The following ZNF438 variants were observed in gnomAD, a reference collection of about 807,000 sequenced individuals.
ZNF438 encodes zinc finger protein 438.
A neutral mutation model predicts 38.0 loss-of-function variants in ZNF438; 25 were observed. That is an observed-to-expected ratio of 0.66 (90% CI 0.48 to 0.92). The LOEUF is 0.92. Ranked by LOEUF, ZNF438 falls within the 40% of genes least tolerant of loss-of-function variation. ZNF438 has a pLI of 0.00. For missense variants in ZNF438, 1,007 were observed against 999.6 expected, an observed-to-expected ratio of 1.01 and a Z score of -0.10; for synonymous variants, 372 against 364.1, an observed-to-expected ratio of 1.02 and a Z score of -0.25.
At chr10:30,922,164 C>T (rs1016187270) in intron 2 of ZNF438, among the ~76,000 whole-genome samples, 9 of 152,126 alleles carry the variant, frequency 5.9e-5, no homozygotes, top group African/African-American at 1.9e-4. Flanking sequence ...CTCTTCTATA[C>T]TCTTATTAGT....
intron 1 of ZNF438, among the ~76,000 whole-genome samples, chr10:31,007,276 G>GT (rs60434764): frequency 0.016 from 1,805 of 112,310 alleles, 22 homozygotes; most frequent in African/African-American, 0.029. Context: ...TTTTTTTGGT[G>GT]TTTTTTTTTT....
Position 30,959,610 on chromosome 10 carries a change from T to C in ZNF438, c.-191-17959A>G, listed in dbSNP as rs1238635207. The stretch of plus-strand genomic sequence containing the variant: ...AAAAAAAAAAAAAATTAGCCGGGCG[T>C]GTTGGCAGGTGCCTGTAGTCCCAGC... On this transcript the variant is annotated intron_variant, in intron 1 of 5. Transcript: ENST00000413025. Among the ~76,000 whole-genome samples, 12 of 140,096 alleles carry C rather than the reference T, an allele frequency of 8.6e-5. No individual in the cohort carries two copies. The South Asian group carries it at 1.6e-3, about 19-fold the overall frequency. The allele number at this position is 140,096 out of a possible 152,430, so 91.9% of individuals were successfully genotyped here.
At chr10:30,900,840 A>G (rs2041891282) in intron 3 of ZNF438, among the ~76,000 whole-genome samples, 2 of 152,232 alleles carry the variant, frequency 1.3e-5, no homozygotes, top group South Asian at 4.1e-4. Context: ...CAGTAAGAAA[A>G]ATGGAAACTT....
At chr10:30,938,015 AC>A (rs914824779) in intron 2 of ZNF438, among the ~76,000 whole-genome samples, 1 of 152,132 alleles carries the variant, frequency 6.6e-6, no homozygotes, top group African/African-American at 2.4e-5. Context: ...TAAAAAACAA[AC>A]AGGTTTATGT....
intron 1 of ZNF438, among the ~76,000 whole-genome samples, chr10:30,980,193 G>C (rs969441716): frequency 2.0e-5 from 3 of 150,750 alleles, no homozygotes; most frequent in African/African-American, 7.3e-5. Context: ...GTTTCATCCT[G>C]TGTGTGCTGG....
chr10:30,912,986 G>A (rs2043233951), intron 2 of ZNF438, among the ~76,000 whole-genome samples: 2 of 151,862 alleles, frequency 1.3e-5, no homozygotes, highest in Admixed American at 1.3e-4. Flanking sequence ...TATCTGTTGG[G>A]ATTTAAGGAT....
At chr10:30,876,356 C>T (rs575725814) in intron 4 of ZNF438, among the ~76,000 whole-genome samples, 16 of 152,132 alleles carry the variant, frequency 1.1e-4, no homozygotes, top group East Asian at 1.9e-4. Context: ...TATTTCTCCC[C>T]GGGGTTAGAG....
exon 5 of ZNF438, chr10:30,848,536 C>T: frequency 1.2e-6 from 2 of 1,610,368 alleles, no homozygotes; most frequent in Non-Finnish European, 1.7e-6. Flanking sequence ...CTCACCTCTC[C>T]AATGATCCCT....
chr10:31,005,540 T>C (rs2055046296), intron 1 of ZNF438, among the ~76,000 whole-genome samples: 1 of 152,116 alleles, frequency 6.6e-6, no homozygotes, highest in Non-Finnish European at 1.5e-5. Flanking sequence ...GGTCAAAGGA[T>C]ACAAAGCTGC....
rs2136194930 is a variant in ZNF438 at position 30,969,371 on chromosome 10, A to G, written c.-191-27720T>C. ...AATGGCATATCACTAAATAACAGTA[A>G]ATGAGATTAAACTGTAGACTTCCTA... On this transcript the variant is annotated intron_variant, in intron 1 of 5. Coordinates refer to ENST00000413025, the Ensembl canonical transcript of ZNF438. 2.6e-5 allele frequency among the ~76,000 whole-genome samples: 4 copies of G among 152,310 alleles called. 1 individual carries two copies. The South Asian group carries it at 8.3e-4, about 32-fold the overall frequency.
At chr10:30,942,393 A>C (rs997761609) in intron 1 of ZNF438, among the ~76,000 whole-genome samples, 7 of 152,252 alleles carry the variant, frequency 4.6e-5, no homozygotes, top group Non-Finnish European at 7.3e-5. Flanking sequence ...GAGAAAATTC[A>C]AAAAGCAGTG....
At chr10:30,993,746 A>G (rs1161068515) in intron 1 of ZNF438, among the ~76,000 whole-genome samples, 1 of 152,258 alleles carries the variant, frequency 6.6e-6, no homozygotes. Flanking sequence ...TACCACCAGC[A>G]TGCAGGTCCA....
chr10:30,963,871 C>CA (rs1278410768), intron 1 of ZNF438, among the ~76,000 whole-genome samples: 2,669 of 142,720 alleles, frequency 0.019, 58 homozygotes, highest in African/African-American at 0.063. Context: ...GACTCCATCT[C>CA]AAAAAAAAAA....
chr10:30,935,332 G>A (rs2046129901), intron 2 of ZNF438, among the ~76,000 whole-genome samples: 1 of 152,192 alleles, frequency 6.6e-6, no homozygotes, highest in Non-Finnish European at 1.5e-5. Context: ...CTGTACAGAA[G>A]GCATATAGTT....
At chr10:30,916,592 T>C (rs548069629) in intron 2 of ZNF438, among the ~76,000 whole-genome samples, 48 of 152,174 alleles carry the variant, frequency 3.2e-4, no homozygotes, top group Middle Eastern at 6.8e-3. Flanking sequence ...TTGCTTAATT[T>C]TGCAAGATTT....
At chr10:30,983,724 T>A (rs2136504461) in intron 1 of ZNF438, among the ~76,000 whole-genome samples, 1 of 152,316 alleles carries the variant, frequency 6.6e-6, no homozygotes, top group East Asian at 1.9e-4. Flanking sequence ...TCAAATTATT[T>A]TTTTTATTTT....
chr10:30,995,798 C>G (rs951287211), intron 1 of ZNF438, among the ~76,000 whole-genome samples: 5 of 152,122 alleles, frequency 3.3e-5, no homozygotes, highest in African/African-American at 1.2e-4. Context: ...AGAGCTAACT[C>G]AAATATGCAG....
At chr10:30,857,606 T>C (rs1426325109) in intron 4 of ZNF438, 9 of 1,203,586 alleles carry the variant, frequency 7.5e-6, no homozygotes, top group Non-Finnish European at 9.4e-6. Context: ...GCCCACTTAT[T>C]AGAGATAACT....
intron 3 of ZNF438, among the ~76,000 whole-genome samples, chr10:30,901,702 T>G (rs1216447339): frequency 6.6e-6 from 1 of 151,326 alleles, no homozygotes; most frequent in Non-Finnish European, 1.5e-5. Context: ...CGATAGGCGA[T>G]GGTCCCTTCG....
Sources: gnomAD v4.1 joint callset for allele counts (sites outside exome capture counted in the v4.1 genomes callset) on GRCh38, gnomAD v4.1.1 for gene constraint, MANE v1.5 for transcripts, NCBI Gene and HGNC (gene_info 2026-07-23, HGNC 2026-07-21) for gene names.